Variants in PLCH1 observed in about 807,000 individuals in gnomAD.
PLCH1 encodes the protein phospholipase C eta 1.
PLCH1 carries 60 observed loss-of-function variants against 126.7 expected under a neutral mutation model. The observed-to-expected ratio is 0.47, with a 90% CI of 0.38 to 0.59. PLCH1 has a LOEUF of 0.59. Ranked by LOEUF, PLCH1 falls within the 20% of genes least tolerant of loss-of-function variation. The pLI, the probability that PLCH1 is intolerant of heterozygous loss-of-function variation, is 0.00. For synonymous variants in PLCH1, 719 were observed against 734.9 expected, an observed-to-expected ratio of 0.98 and a Z score of 0.35; for missense variants, 1,723 against 2,040.0, an observed-to-expected ratio of 0.84 and a Z score of 2.99.
At chr3:155,734,340 C>G (rs1748997829) in intron 1 of PLCH1, among the ~76,000 whole-genome samples, 1 of 151,988 alleles carries the variant, frequency 6.6e-6, no homozygotes, top group African/African-American at 2.4e-5. Flanking sequence ...TGTGCCTGTA[C>G]TCCCAGCTAC....
chr3:155,615,323 T>C (rs922360367), intron 2 of PLCH1, among the ~76,000 whole-genome samples: 5 of 152,222 alleles, frequency 3.3e-5, no homozygotes, highest in Non-Finnish European at 5.9e-5. Context: ...GGAACAGTTC[T>C]ACCCTGCTGG....
intron 8 of PLCH1, 67 bp from the exon 9 acceptor site, chr3:155,554,263 AC>A: frequency 1.4e-6 from 2 of 1,472,796 alleles, no homozygotes; most frequent in Non-Finnish European, 1.9e-6. Flanking sequence ...TTCTGGAAAT[AC>A]CAGACACATA....
At chr3:155,547,079 A>G (rs1725409135) in intron 10 of PLCH1, among the ~76,000 whole-genome samples, 1 of 147,740 alleles carries the variant, frequency 6.8e-6, no homozygotes, top group African/African-American at 2.5e-5. Flanking sequence ...CAGCAAAAGA[A>G]ACTACCATCA....
chr3:155,585,439 C>T (rs1731232548), intron 5 of PLCH1, among the ~76,000 whole-genome samples: 4 of 152,076 alleles, frequency 2.6e-5, no homozygotes. Context: ...TTGTCTTTGC[C>T]CTGACTTAAA....
At chr3:155,709,595 G>A (rs1746937041) in intron 1 of PLCH1, among the ~76,000 whole-genome samples, 1 of 152,150 alleles carries the variant, frequency 6.6e-6, no homozygotes, top group Admixed American at 6.5e-5. Context: ...TCAGTGAGGT[G>A]TCATTCATTC....
intron 2 of PLCH1, among the ~76,000 whole-genome samples, chr3:155,597,735 A>T (rs1247886223): frequency 6.6e-6 from 1 of 152,194 alleles, no homozygotes; most frequent in Non-Finnish European, 1.5e-5. Flanking sequence ...AAATGTTCAC[A>T]ATTTACTCCA....
At chr3:155,610,655 A>G (rs1734959542) in intron 2 of PLCH1, among the ~76,000 whole-genome samples, 1 of 152,156 alleles carries the variant, frequency 6.6e-6, no homozygotes, top group African/African-American at 2.4e-5. Flanking sequence ...TTTTTCAAAC[A>G]AATGCTGACA....
chr3:155,621,786 T>C lies in PLCH1; in HGVS notation c.80-25408A>G, dbSNP rs989284402. Among the ~76,000 whole-genome samples, 6 of 152,178 alleles carry C rather than the reference T, an allele frequency of 3.9e-5. No homozygotes were observed. The South Asian group carries it at 1.2e-3, about 32-fold the overall frequency. Reference sequence around the variant, plus strand: ...GTAAAAAGACCAAATCTATGTTTGATTGGTGTATCTGAAAGTGACGGGGAG... The same window carrying C: ...GTAAAAAGACCAAATCTATGTTTGACTGGTGTATCTGAAAGTGACGGGGAG... On this transcript the variant is annotated intron_variant, in intron 2 of 22. Coordinates refer to ENST00000460012, the MANE Select transcript of PLCH1 (RefSeq NM_014996.4).
chr3:155,485,568 C>T lies in PLCH1; in HGVS notation c.2762G>A (p.Arg921Lys), dbSNP rs752695431. The change falls in exon 22 of 23, where the codon AGG becomes AAG. Residue 921 changes from arginine to lysine, a missense_variant. Physicochemically the swap from Arg to Lys is conservative, Grantham distance 26. Transcript: ENST00000460012. Reference protein sequence around the residue: ...RRTASAPAKGRKKSKMGFQEM... With the variant: ...RRTASAPAKGKKKSKMGFQEM... ...TTGGAAGCCCATTTTGCTCTTTTTC[C>T]TGCCTTTGGCTGGGGCGCTAGCTGT... is the stretch of plus-strand genomic sequence containing the variant. 1 of 1,614,060 alleles carries T rather than the reference C, an allele frequency of 6.2e-7. No individual in the cohort carries two copies. Among genetic ancestry groups the T allele is most frequent in the Non-Finnish European group, 8.5e-7 (1 of 1,180,036 alleles).
intron 17 of PLCH1, 123 bp from the exon 18 acceptor site, chr3:155,492,976 A>C: frequency 1.2e-6 from 1 of 839,460 alleles, no homozygotes; most frequent in Non-Finnish European, 1.7e-6. Flanking sequence ...TCACATAACT[A>C]TCAGTGTGGC....
chr3:155,644,474 G>A (rs1739776318), intron 2 of PLCH1, among the ~76,000 whole-genome samples: 1 of 152,048 alleles, frequency 6.6e-6, no homozygotes, highest in African/African-American at 2.4e-5. Context: ...ATAGTGGCAG[G>A]TGCCTGTAGT....
intron 1 of PLCH1, among the ~76,000 whole-genome samples, chr3:155,734,981 T>C (rs1559972253): frequency 6.6e-6 from 1 of 152,102 alleles, no homozygotes; most frequent in Non-Finnish European, 1.5e-5. Context: ...AGTGCTGGGA[T>C]TACAGGCGTG....
At chr3:155,467,494 A>C (rs997797067) in intron 21 of PLCH1, among the ~76,000 whole-genome samples, 2 of 152,064 alleles carry the variant, frequency 1.3e-5, no homozygotes, top group African/African-American at 2.4e-5. Flanking sequence ...GAATCACTTA[A>C]ACCTGGGAGG....
chr3:155,461,256 G>A (rs1164735055), intron 21 of PLCH1, among the ~76,000 whole-genome samples: 1 of 152,176 alleles, frequency 6.6e-6, no homozygotes, highest in Admixed American at 6.5e-5. Context: ...CATATCACAA[G>A]TTAGACCATA....
chr3:155,730,679 A>T (rs564025889), intron 1 of PLCH1, among the ~76,000 whole-genome samples: 1 of 152,350 alleles, frequency 6.6e-6, no homozygotes, highest in African/African-American at 2.4e-5. Context: ...GAAGAGCGAG[A>T]TGGCAAAATA....
chr3:155,573,305 A>G (rs1262717597), intron 6 of PLCH1, among the ~76,000 whole-genome samples: 1 of 152,220 alleles, frequency 6.6e-6, no homozygotes, highest in Non-Finnish European at 1.5e-5. Context: ...ATCTCAATGC[A>G]TAGATGGTCA....
intron 2 of PLCH1, among the ~76,000 whole-genome samples, chr3:155,597,709 G>A (rs187529024): frequency 1.1e-4 from 17 of 152,164 alleles, no homozygotes; most frequent in Admixed American, 7.2e-4. Context: ...CCTATTAAAG[G>A]TCACTTCAAC....
At chr3:155,717,790 T>A (rs1394788381) in intron 1 of PLCH1, among the ~76,000 whole-genome samples, 1 of 152,236 alleles carries the variant, frequency 6.6e-6, no homozygotes, top group Non-Finnish European at 1.5e-5. Context: ...AAGGCTCTTC[T>A]ACCCTTGTCT....
chr3:155,697,568 C>T (rs982088540), intron 2 of PLCH1, among the ~76,000 whole-genome samples: 1 of 152,174 alleles, frequency 6.6e-6, no homozygotes, highest in African/African-American at 2.4e-5. Flanking sequence ...TGAGAAGAGA[C>T]TGTCATCAGC....
Sources: allele counts gnomAD v4.1 joint callset (sites outside exome capture counted in the v4.1 genomes callset), GRCh38; gene constraint gnomAD v4.1.1; transcripts MANE v1.5; gene names NCBI Gene and HGNC (gene_info 2026-07-23, HGNC 2026-07-21).